Variants in NGEF observed in about 807,000 individuals in gnomAD.
The protein encoded by NGEF is neuronal guanine nucleotide exchange factor.
A neutral mutation model predicts 80.9 loss-of-function variants in NGEF; 31 were observed. The ratio of observed to expected loss-of-function variants is 0.38; its 90% CI spans 0.29 to 0.52. The LOEUF (loss-of-function observed/expected upper bound fraction) is 0.52. Ranked by LOEUF, NGEF falls within the 20% of genes least tolerant of loss-of-function variation. NGEF has a pLI of 0.84. For synonymous variants in NGEF, 371 were observed against 370.2 expected (o/e 1.00, Z -0.03); for missense variants, 709 against 926.2 (o/e 0.77, Z 3.04).
chr2:232,977,808 G>A (rs1382061125), intron 1 of NGEF, among the ~76,000 whole-genome samples: 1 of 152,202 alleles, frequency 6.6e-6, no homozygotes, highest in Non-Finnish European at 1.5e-5. Context: ...CGTCCTGAGG[G>A]GGATGGCACA....
chr2:232,907,152 G>A (rs1224602215), intron 5 of NGEF, among the ~76,000 whole-genome samples: 4 of 54,376 alleles, frequency 7.4e-5, no homozygotes, highest in Non-Finnish European at 1.4e-4. Context: ...ACCCAAGAAT[G>A]ATCAATTAAA....
intron 1 of NGEF, among the ~76,000 whole-genome samples, chr2:233,012,052 C>CA (rs1695218404): frequency 1.3e-5 from 2 of 151,844 alleles, no homozygotes; most frequent in South Asian, 4.2e-4. Flanking sequence ...GAGACATGGG[C>CA]AAAGGGGAAG....
At chr2:232,950,314 G>A (rs930278764) in intron 3 of NGEF, among the ~76,000 whole-genome samples, 1 of 152,138 alleles carries the variant, frequency 6.6e-6, no homozygotes, top group Non-Finnish European at 1.5e-5. Flanking sequence ...TACAGCCTGC[G>A]GTGTTATTGG....
chr2:232,988,100 ACCCC>A (rs1309023172), intron 1 of NGEF, among the ~76,000 whole-genome samples: 1 of 148,664 alleles, frequency 6.7e-6, no homozygotes, highest in African/African-American at 2.5e-5. Flanking sequence ...AATCTCAAAG[ACCCC>A]AGAGGGATGC....
rs1691640458 is a variant in NGEF at position 232,885,260 on chromosome 2, C to A, written c.1437+20G>T. On this transcript the variant is annotated intron_variant, in intron 10 of 14. Transcript: ENST00000264051. ...GGGCCTGTGCATGGGCACAGGCTCACACCAATCCCACCGGTTCACCTTGAT... is the reference window on the plus strand; with the variant it reads ...GGGCCTGTGCATGGGCACAGGCTCAAACCAATCCCACCGGTTCACCTTGAT... 2 of 1,610,988 alleles carry A rather than the reference C, an allele frequency of 1.2e-6. No homozygotes were observed. Among genetic ancestry groups the A allele is most frequent in the South Asian group, 2.2e-5 (2 of 91,012 alleles).
intron 5 of NGEF, among the ~76,000 whole-genome samples, chr2:232,904,061 A>G (rs893731794): frequency 5.3e-5 from 8 of 152,212 alleles, no homozygotes; most frequent in Admixed American, 3.9e-4. Context: ...ATCTACCGAA[A>G]GAAAAGACAA....
chr2:233,010,737 C>G (rs950230650), intron 1 of NGEF, among the ~76,000 whole-genome samples: 4 of 152,168 alleles, frequency 2.6e-5, no homozygotes, highest in African/African-American at 9.7e-5. Context: ...GTGCTCAGAC[C>G]CCATGTGGTC....
At chr2:232,931,557 A>C (rs1057041829) in intron 3 of NGEF, among the ~76,000 whole-genome samples, 2 of 152,254 alleles carry the variant, frequency 1.3e-5, no homozygotes, top group Non-Finnish European at 2.9e-5. Flanking sequence ...ACAAGCTATG[A>C]GAAAACATTC....
At chr2:232,887,773 A>G (rs545849417) in intron 9 of NGEF, among the ~76,000 whole-genome samples, 3 of 152,322 alleles carry the variant, frequency 2.0e-5, no homozygotes, top group East Asian at 1.9e-4. Context: ...CCCCACATCC[A>G]TGCCAGGCAC....
At chr2:233,010,177 G>A (rs1467091241) in intron 1 of NGEF, among the ~76,000 whole-genome samples, 2 of 152,138 alleles carry the variant, frequency 1.3e-5, no homozygotes, top group Admixed American at 6.5e-5. Context: ...ACAGGTGTGA[G>A]CCAGCACGCC....
rs1161622422 is a variant in NGEF, at chr2:232,881,135, C to T, written c.1942+11G>A. Reference sequence around the variant, plus strand: ...CCCTGGGGGCCCCGAGGGGAGGTCCCTGGGCCTCACCGTCGTCAGTCTTGT... The same window carrying T: ...CCCTGGGGGCCCCGAGGGGAGGTCCTTGGGCCTCACCGTCGTCAGTCTTGT... On this transcript the variant is annotated intron_variant, in intron 14 of 14. Transcript: ENST00000264051. 2.5e-6 allele frequency: 4 copies of T among 1,610,294 alleles called. No individual in the cohort carries two copies. In the Admixed American group the frequency reaches 5.0e-5, roughly 20 times the overall value.
intron 1 of NGEF, among the ~76,000 whole-genome samples, chr2:232,981,221 C>G (rs1431093037): frequency 1.3e-5 from 1 of 74,746 alleles, no homozygotes; most frequent in Non-Finnish European, 2.7e-5. Flanking sequence ...CTAACCAACT[C>G]CACCTTGCTT....
intron 3 of NGEF, among the ~76,000 whole-genome samples, chr2:232,967,625 C>T (rs774140821): frequency 5.9e-5 from 9 of 152,018 alleles, no homozygotes; most frequent in Non-Finnish European, 1.3e-4. Context: ...TGTAAGTTAC[C>T]CAGCCTCGGG....
intron 1 of NGEF, among the ~76,000 whole-genome samples, chr2:232,977,606 A>G (rs78210025): frequency 0.079 from 12,002 of 152,218 alleles, 629 homozygotes; most frequent in Middle Eastern, 0.16. Flanking sequence ...ACCTGTGGAC[A>G]GTGATAGGCA....
intron 3 of NGEF, among the ~76,000 whole-genome samples, chr2:232,927,477 C>T (rs1693099390): frequency 6.6e-6 from 1 of 152,176 alleles, no homozygotes; most frequent in Non-Finnish European, 1.5e-5. Context: ...CGCACCGTGC[C>T]CACTCTCCGG....
intron 1 of NGEF, among the ~76,000 whole-genome samples, chr2:233,001,570 G>C (rs1386133141): frequency 2.6e-5 from 4 of 152,208 alleles, no homozygotes; most frequent in African/African-American, 9.7e-5. Context: ...AGGCGAGAGG[G>C]AGGCAGAGGG....
intron 3 of NGEF, among the ~76,000 whole-genome samples, chr2:232,958,347 T>G (rs530867140): frequency 6.6e-6 from 1 of 152,300 alleles, no homozygotes; most frequent in South Asian, 2.1e-4. Context: ...GTGACCTCTT[T>G]GCAAGAGCCT....
chr2:232,891,588 C>T (rs1292394809), intron 7 of NGEF, 101 bp from the exon 8 acceptor site: 49 of 1,334,880 alleles, frequency 3.7e-5, no homozygotes, highest in Non-Finnish European at 3.0e-5. Context: ...AGACGACCCA[C>T]GGGCTCAGAA....
intron 1 of NGEF, among the ~76,000 whole-genome samples, chr2:232,990,793 G>T (rs1478343227): frequency 6.6e-6 from 1 of 151,994 alleles, no homozygotes; most frequent in African/African-American, 2.4e-5. Flanking sequence ...GAAAATTATA[G>T]TCCAACATCT....
Sources: allele counts gnomAD v4.1 joint callset (sites outside exome capture counted in the v4.1 genomes callset), GRCh38; gene constraint gnomAD v4.1.1; transcripts MANE v1.5; gene names NCBI Gene and HGNC (gene_info 2026-07-23, HGNC 2026-07-21).